Variants in SIK3 observed in about 807,000 individuals in gnomAD.
The protein encoded by SIK3 is serine/threonine-protein kinase SIK3.
Under a neutral mutation model 144.2 loss-of-function variants are expected in SIK3, and 28 were observed. That is an observed-to-expected ratio of 0.19 (90% confidence interval 0.14 to 0.27). The LOEUF (loss-of-function observed/expected upper bound fraction) is 0.27. SIK3 is among the 10% of genes least tolerant of loss of function. The probability of loss-of-function intolerance (pLI) is 1.00; values close to 1 mark genes in which losing one functional copy is unlikely to be tolerated. For synonymous variants in SIK3, 686 were observed against 676.3 expected (o/e 1.01, Z -0.22); for missense variants, 1,319 against 1,776.0 (o/e 0.74, Z 4.62).
rs146939447 is a variant in SIK3, at chr11:116,868,599, G to A, written c.1809-510C>T. ...CAGAAAACTGATCCTTCCATTTGAG[G>A]ATAAATGAATTCCAAAACCACCCTT... On this transcript the variant is annotated intron_variant, in intron 14 of 24. Coordinates refer to ENST00000445177, the MANE Select transcript of SIK3 (RefSeq NM_001366686.3). Among the ~76,000 whole-genome samples the A allele has an allele frequency of 1.9e-3, 288 of 152,238 alleles. 1 individual carries two copies. The highest frequency in any genetic ancestry group is 6.2e-3 in the African/African-American group (258 of 41,544).
chr11:116,897,379 C>T (rs539805760), intron 4 of SIK3, 62 bp from the exon 5 acceptor site: 13 of 1,396,640 alleles, frequency 9.3e-6, no homozygotes, highest in Admixed American at 8.3e-5. Flanking sequence ...TGAGCAAACA[C>T]TAGTCTCTAG....
At chr11:117,076,387 T>C (rs58369082) in intron 1 of SIK3, among the ~76,000 whole-genome samples, 3,157 of 152,202 alleles carry the variant, frequency 0.021, 115 homozygotes, top group African/African-American at 0.071. Context: ...CATCCCCCTA[T>C]TTACAGAAGA....
intron 21 of SIK3, among the ~76,000 whole-genome samples, chr11:116,850,819 G>A (rs571434018): frequency 7.9e-4 from 120 of 152,134 alleles, no homozygotes; most frequent in Non-Finnish European, 1.5e-3. Flanking sequence ...GACCAGCCTG[G>A]CCAACATGGT....
intron 1 of SIK3, among the ~76,000 whole-genome samples, chr11:116,985,372 A>G (rs1202166088): frequency 6.6e-6 from 1 of 152,254 alleles, no homozygotes; most frequent in East Asian, 1.9e-4. Context: ...ATGCAAGTCT[A>G]ATCTACAGCA....
At chr11:117,028,698 C>A (rs73594168) in intron 1 of SIK3, among the ~76,000 whole-genome samples, 1 of 151,892 alleles carries the variant, frequency 6.6e-6, no homozygotes, top group African/African-American at 2.4e-5. Flanking sequence ...GTTGAGGAAA[C>A]TAGCTCAGCA....
intron 1 of SIK3, among the ~76,000 whole-genome samples, chr11:117,011,365 T>C (rs1951246039): frequency 6.6e-6 from 1 of 152,152 alleles, no homozygotes; most frequent in South Asian, 2.1e-4. Flanking sequence ...CACGTACATA[T>C]GAGTATGAGT....
intron 1 of SIK3, among the ~76,000 whole-genome samples, chr11:116,962,644 G>T (rs969330627): frequency 6.6e-6 from 1 of 151,796 alleles, no homozygotes; most frequent in Non-Finnish European, 1.5e-5. Flanking sequence ...GAACATTCTC[G>T]GCTCAGCTCT....
At chr11:116,862,856 C>T (rs1555071965) in intron 16 of SIK3, among the ~76,000 whole-genome samples, 1 of 152,100 alleles carries the variant, frequency 6.6e-6, no homozygotes, top group Non-Finnish European at 1.5e-5. Context: ...GGCGGATCAC[C>T]TGAGGTCAGA....
In SIK3 at chr11:116,958,622, G is replaced by A. The variant is rs796851515; in HGVS notation, c.274-1558C>T. On this transcript the variant is annotated intron_variant, in intron 1 of 24. Coordinates refer to ENST00000445177, the MANE Select transcript of SIK3 (RefSeq NM_001366686.3). ...GGATGGTGAATGACCTTCACCTACA[G>A]GAGAAGAGGTAGAAAAAGTCTGGGA... 1.8e-4 allele frequency among the ~76,000 whole-genome samples: 23 copies of A among 131,404 alleles called. 1 individual carries two copies. The highest frequency in any genetic ancestry group is 8.2e-4 in the African/African-American group (23 of 28,202). 86.2% of individuals were successfully genotyped at this position (131,404 alleles called of 152,430 possible). A position where few individuals can be genotyped will look rare whatever the true frequency, so the allele number is the denominator to read the frequency against.
At chr11:117,048,559 G>A (rs1953070907) in intron 1 of SIK3, among the ~76,000 whole-genome samples, 1 of 152,102 alleles carries the variant, frequency 6.6e-6, no homozygotes, top group Non-Finnish European at 1.5e-5. Context: ...GGGAGGCCGA[G>A]GCAGGAGAAT....
chr11:116,853,146 A>T (rs765452205), intron 21 of SIK3, among the ~76,000 whole-genome samples: 1 of 152,196 alleles, frequency 6.6e-6, no homozygotes, highest in Non-Finnish European at 1.5e-5. Context: ...TCGAAAAGAC[A>T]ACACATGTGA....
At chr11:116,919,147 T>C (rs138286946) in intron 4 of SIK3, among the ~76,000 whole-genome samples, 97 of 152,318 alleles carry the variant, frequency 6.4e-4, no homozygotes, top group African/African-American at 2.2e-3. Context: ...CTACTTCCTG[T>C]GACCAGTCAG....
At chr11:116,900,356 C>T (rs1227409405) in intron 4 of SIK3, among the ~76,000 whole-genome samples, 2 of 152,190 alleles carry the variant, frequency 1.3e-5, no homozygotes, top group Non-Finnish European at 2.9e-5. Flanking sequence ...TCTACCACTG[C>T]AGTTCATACT....
Position 116,983,109 on chromosome 11 carries a change from C to A in SIK3, c.274-26045G>T, listed in dbSNP as rs990134890. Among the ~76,000 whole-genome samples, 4 of 151,914 alleles carry A rather than the reference C, an allele frequency of 2.6e-5. 1 individual carries two copies. The highest frequency in any genetic ancestry group is 2.6e-4 in the Admixed American group (4 of 15,222). ...GGGCGTGGTGGCAGGCACCTGTAGTCCCAGCTACTCGGGAGGCTGAGGCAG... is the reference window on the plus strand; with the variant it reads ...GGGCGTGGTGGCAGGCACCTGTAGTACCAGCTACTCGGGAGGCTGAGGCAG... On this transcript the variant is annotated intron_variant, in intron 1 of 24. Coordinates refer to ENST00000445177, the MANE Select transcript of SIK3 (RefSeq NM_001366686.3).
At chr11:116,889,671 G>C (rs769271188) in intron 6 of SIK3, among the ~76,000 whole-genome samples, 2 of 152,150 alleles carry the variant, frequency 1.3e-5, no homozygotes, top group Non-Finnish European at 2.9e-5. Context: ...CGTGGTGGGC[G>C]GACTGCTTGA....
chr11:116,916,383 T>C (rs1342802275), intron 4 of SIK3, among the ~76,000 whole-genome samples: 2 of 152,224 alleles, frequency 1.3e-5, no homozygotes, highest in African/African-American at 2.4e-5. Flanking sequence ...AACTCATAAA[T>C]GACAACCAGA....
At chr11:116,965,732 AAAATATATATAT>A (rs1463537113) in intron 1 of SIK3, among the ~76,000 whole-genome samples, 9 of 77,316 alleles carry the variant, frequency 1.2e-4, no homozygotes, top group African/African-American at 5.2e-4. Flanking sequence ...CGTCTCTGCT[AAAATATATATAT>A]ATATATATAT....
chr11:117,046,836 C>T (rs1952986761), intron 1 of SIK3, among the ~76,000 whole-genome samples: 1 of 152,114 alleles, frequency 6.6e-6, no homozygotes, highest in Admixed American at 6.5e-5. Flanking sequence ...GCCAAAATCG[C>T]ACCACTGCAC....
intron 1 of SIK3, among the ~76,000 whole-genome samples, chr11:116,965,749 A>AT (rs1949510143): frequency 1.6e-4 from 1 of 6,210 alleles, no homozygotes; most frequent in Admixed American, 1.6e-3. Flanking sequence ...ATATATATAT[A>AT]TATATATATA....
Sources: gnomAD v4.1 joint callset for allele counts (sites outside exome capture counted in the v4.1 genomes callset) on GRCh38, gnomAD v4.1.1 for gene constraint, MANE v1.5 for transcripts, NCBI Gene and HGNC (gene_info 2026-07-23, HGNC 2026-07-21) for gene names.